The following PKD1 variants were observed in gnomAD, a reference collection of about 807,000 sequenced individuals.
PKD1 encodes polycystin 1, transient receptor potential channel interacting.
Under a neutral mutation model 361.7 loss-of-function variants are expected in PKD1, and 81 were observed. The ratio of observed to expected loss-of-function variants is 0.22; its 90% CI spans 0.19 to 0.27. PKD1 has a LOEUF of 0.27. Ranked by LOEUF, PKD1 falls within the 10% of genes least tolerant of loss-of-function variation. The pLI is 1.00. For synonymous variants in PKD1, 3,615 were observed against 2,818.3 expected (o/e 1.28, Z -8.95); for missense variants, 6,399 against 6,118.3 (o/e 1.05, Z -1.53).
In PKD1 at chr16:2,110,812, G is replaced by A. The variant is rs767435117; in HGVS notation, c.4355C>T (p.Ser1452Phe). 1.1e-5 allele frequency: 18 copies of A among 1,611,486 alleles called. No homozygotes were observed. Among genetic ancestry groups the A allele is most frequent in the African/African-American group, 4.0e-5 (3 of 74,902 alleles). ...LVTVTASNNI[S>F]AANDSALVEV... ...CACCAGGGCTGAGTCATTGGCAGCAGAGATGTTGTTGGACGCGGTGACTGT... is the reference window on the plus strand; with the variant it reads ...CACCAGGGCTGAGTCATTGGCAGCAAAGATGTTGTTGGACGCGGTGACTGT... Residue 1452 changes from serine (S) to phenylalanine (F), a missense_variant, in exon 15 of 46, where the codon TCT (serine) becomes TTT (phenylalanine). Transcript: ENST00000262304.
chr16:2,109,310 T>C lies in PKD1; in HGVS notation c.5857A>G (p.Lys1953Glu), dbSNP rs749176299. The part of the protein sequence containing the change: ...VGDHVVSVRG[K>E]NHVSWAQAQV... Reference sequence around the variant, plus strand: ...GCCTGGGCCCAGCTCACGTGGTTTTTGCCCCGCACGCTCACCACGTGGTCT... The same window carrying C: ...GCCTGGGCCCAGCTCACGTGGTTTTCGCCCCGCACGCTCACCACGTGGTCT... The change falls in exon 15 of 46, where the codon AAA (lysine) becomes GAA (glutamate). Residue 1953 changes from lysine to glutamate, a missense_variant. Lys to Glu is a moderately conservative substitution (Grantham distance 56). Transcript: ENST00000262304. 46 of 1,585,864 alleles carry C rather than the reference T, an allele frequency of 2.9e-5. No homozygotes were observed. Among genetic ancestry groups the C allele is most frequent in the Non-Finnish European group, 3.6e-5 (42 of 1,169,120 alleles).
At position 2,100,355 on chromosome 16, in the gene PKD1, G is replaced by T. The variant is rs2575324; in HGVS notation, c.9568+41C>A. On this transcript the variant is annotated intron_variant, in intron 27 of 45. Transcript: ENST00000262304. The surrounding 1 kb of genome is among the most constrained non-coding windows in gnomAD (Gnocchi z 4.4). Reference sequence around the variant, plus strand: ...GGTCAGGCTCGCAGGGCGCCCCAATGCGGGGGCAGAGGGGCAGAGCTTGGC... The same window carrying T: ...GGTCAGGCTCGCAGGGCGCCCCAATTCGGGGGCAGAGGGGCAGAGCTTGGC... 6.2e-7 allele frequency: 1 copy of T among 1,610,484 alleles called. No homozygotes were observed. The highest frequency in any genetic ancestry group is 8.5e-7 in the Non-Finnish European group (1 of 1,179,328).
At chr16:2,132,955 C>T (rs2092905097) in intron 1 of PKD1, among the ~76,000 whole-genome samples, 1 of 151,216 alleles carries the variant, frequency 6.6e-6, no homozygotes, top group South Asian at 2.1e-4. Flanking sequence ...GTGGTGCACG[C>T]CTGTAATCCC....
intron 16 of PKD1, 94 bp from the exon 17 acceptor site, chr16:2,107,042 G>C (rs2092363002): frequency 8.2e-7 from 1 of 1,218,740 alleles, no homozygotes; most frequent in Non-Finnish European, 1.2e-6. Context: ...CAAACTCCAG[G>C]TTTCCCAGGG....
intron 42 of PKD1, 107 bp from the exon 43 acceptor site, chr16:2,091,281 C>CGAGGGGG (rs1455447919): frequency 2.5e-6 from 1 of 396,966 alleles, no homozygotes; most frequent in Non-Finnish European, 3.6e-6. Flanking sequence ...CGGGACGCTG[C>CGAGGGGG]CGGGGCGGGG....
At chr16:2,128,368 A>T (rs887123689) in intron 1 of PKD1, among the ~76,000 whole-genome samples, 1 of 149,626 alleles carries the variant, frequency 6.7e-6, no homozygotes, top group Non-Finnish European at 1.5e-5. Context: ...GGCAGCACCC[A>T]AGCAGCTGCA....
Position 2,090,547 on chromosome 16 carries a change from G to C in PKD1, c.12182C>G (p.Ala4061Gly), listed in dbSNP as rs372105572. 6.2e-7 allele frequency: 1 copy of C among 1,609,846 alleles called. No homozygotes were observed. ...AGTCCCAGGGCACAGCACCAACAGG[G>C]CCTGGGCCACGCTCCAGAGGGAGTC... ...CVDSLWSVAQ[A>G]LLVLCPGTGL... is the part of the protein sequence containing the mutation. Residue 4061 changes from alanine to glycine, a missense_variant, in exon 45 of 46, where the codon GCC (alanine) becomes GGC (glycine). Ala to Gly is a moderately conservative substitution (Grantham distance 60, BLOSUM62 0). Transcript: ENST00000262304.
Position 2,109,234 on chromosome 16 carries a change from T to A in PKD1, c.5933A>T (p.Asn1978Ile), listed in dbSNP as rs373707925. 1 of 1,589,848 alleles carries A rather than the reference T, an allele frequency of 6.3e-7. No homozygotes were observed. Among genetic ancestry groups the A allele is most frequent in the East Asian group, 2.3e-5 (1 of 44,368 alleles). ...LEAVSGLQVPNCCEPGIATGT... is the reference protein window; with the variant it reads ...LEAVSGLQVPICCEPGIATGT... ...CGTGGCGATGCCAGGCTCGCAGCAGTTGGGCACCTGCAGCCCACTCACGGC... is the reference window on the plus strand; with the variant it reads ...CGTGGCGATGCCAGGCTCGCAGCAGATGGGCACCTGCAGCCCACTCACGGC... Residue 1978 changes from asparagine (N) to isoleucine (I), a missense_variant, in exon 15 of 46, where the codon AAC (asparagine) becomes ATC (isoleucine). Physicochemically the swap from Asn to Ile is moderately radical, Grantham distance 149 (BLOSUM62 -3). Coordinates refer to ENST00000262304, the MANE Select transcript of PKD1 (RefSeq NM_001009944.3).
intron 1 of PKD1, among the ~76,000 whole-genome samples, chr16:2,130,597 C>A (rs554595171): frequency 6.6e-6 from 1 of 152,348 alleles, no homozygotes; most frequent in East Asian, 1.9e-4. Context: ...ATCCAGGGAC[C>A]AGAAATGGGA....
chr16:2,129,067 T>C (rs1396232441), intron 1 of PKD1, among the ~76,000 whole-genome samples: 1 of 152,046 alleles, frequency 6.6e-6, no homozygotes, highest in African/African-American at 2.4e-5. Flanking sequence ...TTCACCATGT[T>C]GGTCAGGCTG....
intron 37 of PKD1, 75 bp downstream of exon 37, chr16:2,093,469 T>G: frequency 7.4e-7 from 1 of 1,343,716 alleles, no homozygotes; most frequent in Non-Finnish European, 1.0e-6. Flanking sequence ...GGGACAGGAG[T>G]GTCCTGCGTG....
rs2092167171 is a variant in PKD1 at position 2,103,122 on chromosome 16, C to T, written c.8791+144G>A. The stretch of plus-strand genomic sequence containing the variant: ...GCTGGCACCTGCTTCTCCGTGGCCC[C>T]CAGCTCCTCTCTGGCCAGGCCCCCA... On this transcript the variant is annotated intron_variant, in intron 23 of 45. Coordinates refer to ENST00000262304, the MANE Select transcript of PKD1 (RefSeq NM_001009944.3). 3.9e-6 allele frequency: 5 copies of T among 1,291,780 alleles called. No homozygotes were observed. In the South Asian group the frequency reaches 6.3e-5, roughly 16 times the overall value. 80.0% of individuals were successfully genotyped at this position (1,291,780 alleles called of 1,614,324 possible).
In PKD1 at chr16:2,111,792, G is replaced by A. The variant is rs74331768; in HGVS notation, c.3375C>T (p.Ser1125=). The A allele has an allele frequency of 0.099, 159,661 of 1,608,554 alleles. 9,674 individuals are homozygous for A. The highest frequency in any genetic ancestry group is 0.26 in the African/African-American group (19,821 of 74,840). The change falls in exon 15 of 46, where the codon TCC becomes TCT. Residue 1125 remains serine, a synonymous_variant. Transcript: ENST00000262304. ...TCACACCCACAGCCACGGAGGGCAG[G>A]GAGGCGCGCACGCTCACAGGCACCT... ...TQQVPVSVRA[S]LPSVAVGVSD...
chr16:2,089,793 G>A lies in PKD1; in HGVS notation c.12846C>T (p.Asp4282=), dbSNP rs1203503205. 1 of 1,597,706 alleles carries A rather than the reference G, an allele frequency of 6.3e-7. No homozygotes were observed. The highest frequency in any genetic ancestry group is 8.5e-7 in the Non-Finnish European group (1 of 1,173,208). ...SRLARASRGV[D]LATGPSRTPL... is the part of the protein sequence containing the mutation. Reference sequence around the variant, plus strand: ...GTGTCCTGCTGGGGCCAGTGGCCAGGTCCACACCCCGACTGGCCCGGGCAA... The same window carrying A: ...GTGTCCTGCTGGGGCCAGTGGCCAGATCCACACCCCGACTGGCCCGGGCAA... The change falls in exon 46 of 46, where the codon GAC becomes GAT. Residue 4282 remains aspartate (D), a synonymous_variant. Coordinates refer to ENST00000262304, the MANE Select transcript of PKD1 (RefSeq NM_001009944.3).
chr16:2,131,998 C>G (rs184386817), intron 1 of PKD1: 1 of 152,176 alleles, frequency 6.6e-6, no homozygotes, highest in Non-Finnish European at 1.5e-5. Context: ...CACCTGTAAT[C>G]CCAACACTTT....
intron 1 of PKD1, among the ~76,000 whole-genome samples, chr16:2,127,606 C>T (rs981236141): frequency 1.3e-5 from 2 of 151,982 alleles, no homozygotes; most frequent in Non-Finnish European, 1.5e-5. Flanking sequence ...AATGGGCCCC[C>T]GGAACCCCTG....
intron 31 of PKD1, 39 bp downstream of exon 31, chr16:2,097,829 A>T: frequency 1.2e-6 from 2 of 1,609,896 alleles, no homozygotes; most frequent in South Asian, 2.2e-5. Context: ...AGGCGGCAGG[A>T]CCCCCAGCCC....
chr16:2,127,147 C>T (rs1336548320), intron 1 of PKD1, among the ~76,000 whole-genome samples: 3 of 152,214 alleles, frequency 2.0e-5, no homozygotes, highest in African/African-American at 7.2e-5. Context: ...CCAGCGACAG[C>T]GCACACCGCC....
rs560982883 is a variant in PKD1 at position 2,116,100 on chromosome 16, G to A, written c.1741C>T (p.Leu581=). Residue 581 remains leucine, a synonymous_variant, in exon 9 of 46, where the codon CTG becomes TTG. Transcript: ENST00000262304. Reference sequence around the variant, plus strand: ...AGGAAGGCTTCACGGCTCAGACGCAGGCCCGGGAATACCATGACCTGGTGG... The same window carrying A: ...AGGAAGGCTTCACGGCTCAGACGCAAGCCCGGGAATACCATGACCTGGTGG... ...EPVEVMVFPG[L]RLSREAFLTT... is the part of the protein sequence containing the mutation. 3.2e-5 allele frequency: 50 copies of A among 1,549,836 alleles called. 2 individuals carry two copies. The South Asian group carries it at 5.3e-4, about 17-fold the overall frequency.
Sources: allele counts gnomAD v4.1 joint callset (sites outside exome capture counted in the v4.1 genomes callset), GRCh38; gene constraint gnomAD v4.1.1; non-coding constraint Gnocchi (gnomAD v3.1); transcripts MANE v1.5; gene names NCBI Gene and HGNC (gene_info 2026-07-23, HGNC 2026-07-21).